CALR3: variants seen among roughly 807,000 people sequenced by gnomAD.
The protein encoded by CALR3 is calreticulin 3, also known as calreticulin-3.
CALR3 carries 39 observed loss-of-function variants against 48.7 expected under a neutral mutation model. The ratio of observed to expected loss-of-function variants is 0.80; its 90% CI spans 0.62 to 1.05. The LOEUF (loss-of-function observed/expected upper bound fraction) is 1.05. Among genes scored for constraint, CALR3 ranks in the 50% least tolerant of loss-of-function variants. CALR3 has a pLI of 0.00. For synonymous variants in CALR3, 185 were observed against 172.7 expected, an observed-to-expected ratio of 1.07 and a Z score of -0.56; for missense variants, 449 against 474.7, an observed-to-expected ratio of 0.95 and a Z score of 0.50.
In CALR3 at chr19:16,482,492, T is replaced by G; in HGVS notation, c.876A>C (p.Ser292=). ...CAATGGCACCAATGTTCTCAAATTC[T>G]GAGAGGTCATACTGCGTCAAATAGT... is the stretch of plus-strand genomic sequence containing the variant. ...NTDYLTQYDL[S]EFENIGAIGL... is the part of the protein sequence containing the mutation. Residue 292 remains serine (S), a synonymous_variant, in exon 7 of 9, where the codon TCA becomes TCC. Transcript: ENST00000269881. 2 of 1,614,242 alleles carry G rather than the reference T, an allele frequency of 1.2e-6. No individual in the cohort carries two copies. Among genetic ancestry groups the G allele is most frequent in the Non-Finnish European group, 1.7e-6 (2 of 1,180,038 alleles).
intron 5 of CALR3, chr19:16,483,728 A>ATAAAAAAG (rs1399606985): frequency 6.8e-6 from 4 of 586,340 alleles, no homozygotes; most frequent in Non-Finnish European, 9.0e-6. Context: ...CAAAAAATAA[A>ATAAAAAAG]TAAATAAGTA....
Position 16,489,740 on chromosome 19 carries a change from C to T in CALR3, c.397+627G>A, listed in dbSNP as rs529926884. Among the ~76,000 whole-genome samples the T allele has an allele frequency of 8.6e-5, 13 of 151,908 alleles. No homozygotes were observed. In the East Asian group the frequency reaches 1.2e-3, roughly 14 times the overall value. ...AGGAGAATCACTTGAACCCAGGAGG[C>T]GGAGATTGCAGTGAGGCGAGATCAA... On this transcript the variant is annotated intron_variant, in intron 3 of 8. Coordinates refer to ENST00000269881, the MANE Select transcript of CALR3 (RefSeq NM_145046.5).
intron 2 of CALR3, among the ~76,000 whole-genome samples, chr19:16,494,830 G>C (rs1406534742): frequency 6.6e-6 from 1 of 152,066 alleles, no homozygotes; most frequent in Non-Finnish European, 1.5e-5. Context: ...ATCCAAAGAA[G>C]GTTAAATACC....
intron 8 of CALR3, among the ~76,000 whole-genome samples, chr19:16,479,651 C>A (rs954169431): frequency 6.6e-6 from 1 of 150,926 alleles, no homozygotes; most frequent in East Asian, 1.9e-4. Flanking sequence ...CCCAGCTGCT[C>A]GGGAGGCTGA....
In CALR3 at chr19:16,479,288, G is replaced by A. The variant is rs1402722761; in HGVS notation, c.1012-14C>T. 6 of 1,613,680 alleles carry A rather than the reference G, an allele frequency of 3.7e-6. No homozygotes were observed. The highest frequency in any genetic ancestry group is 5.1e-6 in the Non-Finnish European group (6 of 1,179,908). On this transcript the variant is annotated splice_polypyrimidine_tract_variant and intron_variant, in intron 8 of 8. Coordinates refer to ENST00000269881, the MANE Select transcript of CALR3 (RefSeq NM_145046.5). ...CCTTTCTGGACCCTGGAGAAAGAAA[G>A]AAAAAACATAAGCCCCACCGGGTGC...
In CALR3 at chr19:16,490,660, A is replaced by G. The variant is rs77302641; in HGVS notation, c.194-90T>C. 8.4e-3 allele frequency: 9,468 copies of G among 1,131,276 alleles called. 536 individuals carry two copies. The African/African-American group carries it at 0.13, about 15-fold the overall frequency. The allele number at this position is 1,131,276 out of a possible 1,614,324, so 70.1% of individuals were successfully genotyped here. On this transcript the variant is annotated intron_variant, in intron 2 of 8. Transcript: ENST00000269881. The stretch of plus-strand genomic sequence containing the variant: ...AATCGATGTCCTTCCCTTACTCCCA[A>G]ACATAAATGTCCTAACCATTTACAG...
chr19:16,495,490 T>C lies in CALR3; in HGVS notation c.193+261A>G, dbSNP rs558985633. On this transcript the variant is annotated intron_variant, in intron 2 of 8. Coordinates refer to ENST00000269881, the MANE Select transcript of CALR3 (RefSeq NM_145046.5). ...AGGAGAATTGCTTGAACCCGGGAGG[T>C]GGAAGTTGCAGTGAGCCGAAATCGC... 1.9e-4 allele frequency among the ~76,000 whole-genome samples: 23 copies of C among 122,508 alleles called. 1 individual carries two copies. The Admixed American group carries it at 2.1e-3, about 11-fold the overall frequency. The allele number at this position is 122,508 out of a possible 152,430, so 80.4% of individuals were successfully genotyped here. A position where few individuals can be genotyped will look rare whatever the true frequency, so the allele number is the denominator to read the frequency against.
chr19:16,496,161 A>T lies in CALR3; in HGVS notation c.-32T>A, dbSNP rs938722978. On this transcript the variant is annotated 5_prime_UTR_variant, in exon 1 of 9. Transcript: ENST00000269881. ...GTGCACTGCGCTTCCGGTCGCCGCC[A>T]CCCCTTAGCTCCCAGCTCTCTCTGC... The T allele has an allele frequency of 1.3e-6, 2 of 1,541,920 alleles. No homozygotes were observed. The highest frequency in any genetic ancestry group is 1.8e-6 in the Non-Finnish European group (2 of 1,135,416).
Position 16,490,386 on chromosome 19 carries a change from C to A in CALR3, c.378G>T (p.Ser126=). ...ACTCACCAAACATAATATAGTACTG[C>A]GATTTTCCATTCAGGTTCTTCTGGT... is the stretch of plus-strand genomic sequence containing the variant. ...DIDQKNLNGK[S]QYYIMFGPDI... is the part of the protein sequence containing the mutation. The change falls in exon 3 of 9, where the codon TCG becomes TCT. Residue 126 remains serine, a synonymous_variant. Transcript: ENST00000269881. 1.9e-6 allele frequency: 3 copies of A among 1,614,078 alleles called. No homozygotes were observed. Among genetic ancestry groups the A allele is most frequent in the Non-Finnish European group, 2.5e-6 (3 of 1,180,010 alleles).
rs1358738890 is a variant in CALR3 at position 16,479,282 on chromosome 19, AAG to A, written c.1012-10_1012-9del. ...CATCTCCCTTTCTGGACCCTGGAGA[AAG>A]AAAGAAAAAACATAAGCCCCACCGG... On this transcript the variant is annotated splice_polypyrimidine_tract_variant and intron_variant, in intron 8 of 8. Transcript: ENST00000269881. The A allele has an allele frequency of 9.3e-6, 15 of 1,613,802 alleles. No individual in the cohort carries two copies. In the Admixed American group the frequency reaches 2.0e-4, roughly 22 times the overall value.
intron 2 of CALR3, among the ~76,000 whole-genome samples, chr19:16,494,643 G>A (rs1599722928): frequency 6.6e-6 from 1 of 152,184 alleles, no homozygotes; most frequent in Admixed American, 6.5e-5. Flanking sequence ...TTACAGGCAT[G>A]AGCCACCGCG....
At chr19:16,495,908 A>C in intron 1 of CALR3, 56 bp from the exon 2 acceptor site, 1 of 1,589,066 alleles carries the variant, frequency 6.3e-7, no homozygotes. Context: ...ATTTGGGCTA[A>C]GGGAAGGGTG....
intron 3 of CALR3, 108 bp downstream of exon 3, chr19:16,490,259 A>T: frequency 1.1e-6 from 1 of 951,218 alleles, no homozygotes; most frequent in Admixed American, 1.9e-5. Context: ...CGATATACTC[A>T]ATACTACTAC....
At chr19:16,491,198 C>T (rs568154967) in intron 2 of CALR3, among the ~76,000 whole-genome samples, 2 of 152,132 alleles carry the variant, frequency 1.3e-5, no homozygotes, top group Admixed American at 1.3e-4. Context: ...TCTCTGCCCA[C>T]TGCAAGCTCC....
At chr19:16,487,481 CA>C (rs59647657) in intron 3 of CALR3, among the ~76,000 whole-genome samples, 58 of 102,716 alleles carry the variant, frequency 5.6e-4, no homozygotes, top group African/African-American at 1.5e-3. Flanking sequence ...TGTGTCTCCA[CA>C]AAAAAAAAAA....
chr19:16,483,587 G>A (rs1199185159), intron 5 of CALR3, among the ~76,000 whole-genome samples: 3 of 151,214 alleles, frequency 2.0e-5, no homozygotes, highest in Non-Finnish European at 4.4e-5. Flanking sequence ...GGATGGTGGC[G>A]GGTGCCTGTA....
intron 2 of CALR3, among the ~76,000 whole-genome samples, chr19:16,492,118 T>C (rs1599721689): frequency 1.3e-5 from 2 of 151,850 alleles, no homozygotes; most frequent in African/African-American, 4.8e-5. Context: ...TGTGAACCAC[T>C]GTGCCTGGCC....
In CALR3 at chr19:16,496,160, C is replaced by T. The variant is rs1568489213; in HGVS notation, c.-31G>A. The T allele has an allele frequency of 1.0e-5, 16 of 1,543,692 alleles. No individual in the cohort carries two copies. The highest frequency in any genetic ancestry group is 2.4e-5 in the East Asian group (1 of 42,032). On this transcript the variant is annotated 5_prime_UTR_variant, in exon 1 of 9. Transcript: ENST00000269881. ...TGTGCACTGCGCTTCCGGTCGCCGC[C>T]ACCCCTTAGCTCCCAGCTCTCTCTG... is the stretch of plus-strand genomic sequence containing the variant.
chr19:16,490,491 C>G lies in CALR3; in HGVS notation c.273G>C (p.Leu91=), dbSNP rs759314483. Residue 91 remains leucine (L), a synonymous_variant, in exon 3 of 9, where the codon CTG becomes CTC. Transcript: ENST00000269881. ...CATGTTTTACTGTGTACTGAATAAC[C>G]AGAGTTTTCCCTTTATTGCTGAACG... ...FKPFSNKGKT[L]VIQYTVKHEQ... is the part of the protein sequence containing the mutation. 1.2e-6 allele frequency: 2 copies of G among 1,614,098 alleles called. No homozygotes were observed. Among genetic ancestry groups the G allele is most frequent in the Admixed American group, 1.7e-5 (1 of 59,988 alleles).
Sources: gnomAD v4.1 joint callset for allele counts (sites outside exome capture counted in the v4.1 genomes callset) on GRCh38, gnomAD v4.1.1 for gene constraint, MANE v1.5 for transcripts, NCBI Gene and HGNC (gene_info 2026-07-23, HGNC 2026-07-21) for gene names.